The following HIRIP3 variants were observed in gnomAD, a reference collection of about 807,000 sequenced individuals.
HIRIP3 encodes HIRA-interacting protein 3.
Under a neutral mutation model 50.3 loss-of-function variants are expected in HIRIP3, and 40 were observed. That is an observed-to-expected ratio of 0.79 (90% confidence interval 0.62 to 1.03). The LOEUF (loss-of-function observed/expected upper bound fraction) is 1.03. HIRIP3 is among the 50% of genes least tolerant of loss of function. The probability of loss-of-function intolerance (pLI) is 0.00; values close to 1 mark genes in which losing one functional copy is unlikely to be tolerated. For missense variants in HIRIP3, 765 were observed against 705.4 expected, an observed-to-expected ratio of 1.08 and a Z score of -0.96; for synonymous variants, 318 against 261.6, an observed-to-expected ratio of 1.22 and a Z score of -2.08.
In HIRIP3 at chr16:29,994,271, C is replaced by T. The variant is rs757667702; in HGVS notation, c.874G>A (p.Glu292Lys). 63 of 1,614,182 alleles carry T rather than the reference C, an allele frequency of 3.9e-5. No homozygotes were observed. The highest frequency in any genetic ancestry group is 3.3e-4 in the Middle Eastern group (2 of 6,062). Residue 292 changes from glutamate to lysine, a missense_variant, in exon 4 of 7, where the codon GAG (glutamate) becomes AAG (lysine). Glu to Lys is a moderately conservative substitution (Grantham distance 56). Transcript: ENST00000279392. Reference protein sequence around the residue: ...AKRLLGDSDSEEEQKEAASSG... With the variant: ...AKRLLGDSDSKEEQKEAASSG... ...CTGGCTGCCTCTTTCTGCTCTTCCT[C>T]GCTGTCTGAGTCTCCCAAGAGCCTC... is the stretch of plus-strand genomic sequence containing the variant.
At position 29,994,061 on chromosome 16, in the gene HIRIP3, C is replaced by T; in HGVS notation, c.1084G>A (p.Glu362Lys). The T allele has an allele frequency of 6.2e-7, 1 of 1,612,702 alleles. No individual in the cohort carries two copies. ...MARLGSTSGE[E>K]SDLEREVSDS... ...CTTACCTCCCTCTCCAAGTCACTTT[C>T]CTCACCACTGGTGCTGCCCAGTCTG... Residue 362 changes from glutamate to lysine, a missense_variant, in exon 4 of 7, where the codon GAA becomes AAA. By Grantham distance (56) the Glu-to-Lys change is moderately conservative. Coordinates refer to ENST00000279392, the MANE Select transcript of HIRIP3 (RefSeq NM_003609.5).
upstream of HIRIP3, chr16:29,995,691 G>A (rs996129512): frequency 6.5e-6 from 10 of 1,526,902 alleles, no homozygotes; most frequent in South Asian, 1.2e-5. Flanking sequence ...CGCACGCGCA[G>A]TGCTGCGGCA....
intron 6 of HIRIP3, 36 bp from the exon 7 acceptor site, chr16:29,993,406 A>C: frequency 6.3e-7 from 1 of 1,579,630 alleles, no homozygotes. Context: ...CAGATGTCTG[A>C]GAAGGTCCAA....
rs752336284 is a variant in HIRIP3, at chr16:29,994,400, C to T, written c.745G>A (p.Glu249Lys). Residue 249 changes from glutamate to lysine, a missense_variant, in exon 4 of 7, where the codon GAA becomes AAA. Physicochemically the swap from Glu to Lys is moderately conservative, Grantham distance 56. Coordinates refer to ENST00000279392, the MANE Select transcript of HIRIP3 (RefSeq NM_003609.5). The stretch of plus-strand genomic sequence containing the variant: ...CAATCCCCCTTTTCCTCATCCTCTT[C>T]TTTCTCTTCCTCCTCCACTTCCTCC... The part of the protein sequence containing the change: ...REEEVEEEEK[E>K]EDEEKGDWKP... The T allele has an allele frequency of 3.7e-6, 6 of 1,613,832 alleles. No homozygotes were observed. In the African/African-American group the frequency reaches 6.7e-5, roughly 18 times the overall value.
chr16:29,995,976 G>A (rs929059463), upstream of HIRIP3: 7 of 564,722 alleles, frequency 1.2e-5, no homozygotes, highest in East Asian at 3.0e-5. Flanking sequence ...GCATCCTCGC[G>A]AGCAGATGAG....
In HIRIP3 at chr16:29,993,444, G is replaced by A. The variant is rs372423732; in HGVS notation, c.1507+15C>T. On this transcript the variant is annotated intron_variant, in intron 6 of 6. Transcript: ENST00000279392. Reference sequence around the variant, plus strand: ...CCACCTATCTGCTCCTGGGCAGTGAGAGGAAACCCCTTACCCGAGCCACTG... The same window carrying A: ...CCACCTATCTGCTCCTGGGCAGTGAAAGGAAACCCCTTACCCGAGCCACTG... 1.2e-5 allele frequency: 19 copies of A among 1,606,642 alleles called. No individual in the cohort carries two copies. The highest frequency in any genetic ancestry group is 1.5e-5 in the Non-Finnish European group (18 of 1,174,902).
rs1486476032 is a variant in HIRIP3, at chr16:29,993,064, G to A, written c.*143C>T. The A allele has an allele frequency of 1.6e-6, 1 of 641,784 alleles. No homozygotes were observed. The highest frequency in any genetic ancestry group is 2.5e-6 in the Non-Finnish European group (1 of 401,642). 39.8% of individuals were successfully genotyped at this position (641,784 alleles called of 1,614,324 possible). A position where few individuals can be genotyped will look rare whatever the true frequency, so the allele number is the denominator to read the frequency against. ...CACCTTAAAGGGACAGCGTGAAGCT[G>A]AGAAGTAGCATCCCAACAGCTTGTG... On this transcript the variant is annotated 3_prime_UTR_variant, in exon 7 of 7. Transcript: ENST00000279392.
chr16:29,993,685 G>A lies in HIRIP3; in HGVS notation c.1363C>T (p.Arg455Cys), dbSNP rs372116326. The change falls in exon 5 of 7, where the codon CGC (arginine) becomes TGC (cysteine). Residue 455 changes from arginine (R) to cysteine (C), a missense_variant. Arg to Cys is a radical substitution (Grantham distance 180). Transcript: ENST00000279392. ...LLGSCCSHKE[R>C]LSILRAELEA... The stretch of plus-strand genomic sequence containing the variant: ...AGTTCTGCCCGGAGGATACTCAGGC[G>A]CTCCTTGTGTGAGCAACAGGAGCCC... The A allele has an allele frequency of 5.0e-6, 8 of 1,610,642 alleles. No individual in the cohort carries two copies. Among genetic ancestry groups the A allele is most frequent in the Middle Eastern group, 1.7e-4 (1 of 6,060 alleles).
rs1317606928 is a variant in HIRIP3, at chr16:29,992,972, T to G, written c.*235A>C. The G allele has an allele frequency of 5.4e-6, 2 of 372,012 alleles. No homozygotes were observed. The highest frequency in any genetic ancestry group is 9.5e-6 in the Non-Finnish European group (2 of 209,428). The allele number at this position is 372,012 out of a possible 1,614,324, so 23.0% of individuals were successfully genotyped here. On this transcript the variant is annotated 3_prime_UTR_variant, in exon 7 of 7. Transcript: ENST00000279392. The stretch of plus-strand genomic sequence containing the variant: ...GTTTCCTGGCCCAAAATACAGGAGG[T>G]GAGAATGGGGGACCAAATTTGATGA...
At position 29,994,430 on chromosome 16, in the gene HIRIP3, T is replaced by C. The variant is rs1207777428; in HGVS notation, c.715A>G (p.Arg239Gly). The change falls in exon 4 of 7, where the codon AGA becomes GGA. Residue 239 changes from arginine (R) to glycine (G), a missense_variant. Arg to Gly is a moderately radical substitution (Grantham distance 125). Coordinates refer to ENST00000279392, the MANE Select transcript of HIRIP3 (RefSeq NM_003609.5). ...TCTTCCTCCTCCACTTCCTCCTCTC[T>C]CTGCTCTTTCTTCTGGGCTAGGATC... ...EEILAQKKEQ[R>G]EEEVEEEEKE... 1 of 1,613,730 alleles carries C rather than the reference T, an allele frequency of 6.2e-7. No homozygotes were observed. The highest frequency in any genetic ancestry group is 1.3e-5 in the African/African-American group (1 of 74,858).
chr16:29,993,318 T>C lies in HIRIP3; in HGVS notation c.1560A>G (p.Pro520=). The C allele has an allele frequency of 6.5e-7, 1 of 1,540,864 alleles. No individual in the cohort carries two copies. Among genetic ancestry groups the C allele is most frequent in the Non-Finnish European group, 8.8e-7 (1 of 1,141,292 alleles). ...CCAGGGTCCGTCGGTACAGCTCCCCTGGGGGTGCTGCTTCTCCTAAAGGGT... is the reference window on the plus strand; with the variant it reads ...CCAGGGTCCGTCGGTACAGCTCCCCCGGGGGTGCTGCTTCTCCTAAAGGGT... The part of the protein sequence containing the change: ...AWNPLGEAAP[P]GELYRRTLDS... Residue 520 remains proline (P), a synonymous_variant, in exon 7 of 7, where the codon CCA becomes CCG. Coordinates refer to ENST00000279392, the MANE Select transcript of HIRIP3 (RefSeq NM_003609.5).
In HIRIP3 at chr16:29,995,154, T is replaced by C; in HGVS notation, c.250A>G (p.Thr84Ala). ...DLTKKGKRPPTPCSDPERKRF... is the reference protein window; with the variant it reads ...DLTKKGKRPPAPCSDPERKRF... ...TTTCTCTCCGGGTCGCTACAAGGGG[T>C]GGGAGGCCTCTTGCCCTTCTTGGTA... Residue 84 changes from threonine to alanine, a missense_variant, in exon 3 of 7, where the codon ACC becomes GCC. Physicochemically the swap from Thr to Ala is moderately conservative, Grantham distance 58. Coordinates refer to ENST00000279392, the MANE Select transcript of HIRIP3 (RefSeq NM_003609.5). 3 of 1,614,180 alleles carry C rather than the reference T, an allele frequency of 1.9e-6. No homozygotes were observed. Among genetic ancestry groups the C allele is most frequent in the East Asian group, 2.2e-5 (1 of 44,872 alleles).
In HIRIP3 at chr16:29,995,585, C is replaced by T; in HGVS notation, c.21G>A (p.Met7Ile). Residue 7 changes from methionine (M) to isoleucine (I), a missense_variant, in exon 1 of 7, where the codon ATG becomes ATA. Physicochemically the swap from Met to Ile is conservative, Grantham distance 10. Transcript: ENST00000279392. MAREKE[M>I]QEFTRSFFRG... is the part of the protein sequence containing the mutation. Reference sequence around the variant, plus strand: ...GGAAGAAGCTACGGGTGAACTCCTGCATCTCCTTCTCCCGCGCCATTTTGC... The same window carrying T: ...GGAAGAAGCTACGGGTGAACTCCTGTATCTCCTTCTCCCGCGCCATTTTGC... The T allele has an allele frequency of 6.2e-7, 1 of 1,612,442 alleles. No individual in the cohort carries two copies. The highest frequency in any genetic ancestry group is 8.5e-7 in the Non-Finnish European group (1 of 1,180,016).
At position 29,994,027 on chromosome 16, in the gene HIRIP3, T is replaced by G. The variant is rs1567259135; in HGVS notation, c.1118A>C (p.Glu373Ala). 6.2e-7 allele frequency: 1 copy of G among 1,610,094 alleles called. No individual in the cohort carries two copies. The highest frequency in any genetic ancestry group is 8.5e-7 in the Non-Finnish European group (1 of 1,177,718). The stretch of plus-strand genomic sequence containing the variant: ...CTCCCCCTGGGGGCCTCCCCCTGCC[T>G]CGCTGTCACTTACCTCCCTCTCCAA... The part of the protein sequence containing the change: ...SDLEREVSDS[E>A]AGGGPQGERK... Residue 373 changes from glutamate to alanine, a missense_variant, in exon 4 of 7, where the codon GAG becomes GCG. Physicochemically the swap from Glu to Ala is moderately radical, Grantham distance 107. Transcript: ENST00000279392.
In HIRIP3 at chr16:29,994,218, T is replaced by G; in HGVS notation, c.927A>C (p.Arg309Ser). 7 of 1,614,070 alleles carry G rather than the reference T, an allele frequency of 4.3e-6. No individual in the cohort carries two copies. Among genetic ancestry groups the G allele is most frequent in the Non-Finnish European group, 5.9e-6 (7 of 1,179,956 alleles). ...ASSGDDSGRD[R>S]EPPVQRKSED... ...CACTCTTCCTCTGCACTGGGGGTTC[T>G]CTATCTCTCCCACTGTCATCCCCAC... Residue 309 changes from arginine (R) to serine (S), a missense_variant, in exon 4 of 7, where the codon AGA becomes AGC. Coordinates refer to ENST00000279392, the MANE Select transcript of HIRIP3 (RefSeq NM_003609.5).
In HIRIP3 at chr16:29,994,015, C is replaced by G. The variant is rs2070026332; in HGVS notation, c.1130G>C (p.Gly377Ala). ...GCGGTTCTTCCTCTCCCCCTGGGGG[C>G]CTCCCCCTGCCTCGCTGTCACTTAC... is the stretch of plus-strand genomic sequence containing the variant. ...REVSDSEAGG[G>A]PQGERKNRSS... The change falls in exon 4 of 7, where the codon GGC (glycine) becomes GCC (alanine). Residue 377 changes from glycine (G) to alanine (A), a missense_variant. Coordinates refer to ENST00000279392, the MANE Select transcript of HIRIP3 (RefSeq NM_003609.5). The G allele has an allele frequency of 6.2e-7, 1 of 1,603,090 alleles. No individual in the cohort carries two copies. The highest frequency in any genetic ancestry group is 1.3e-5 in the African/African-American group (1 of 74,610).
chr16:29,993,984 G>T lies in HIRIP3; in HGVS notation c.1161C>A (p.Ser387=), dbSNP rs748096853. ...GPQGERKNRS[S]KKSSRKGRTR... ...TCCTGCCTTTCCTGGAGCTCTTCTT[G>T]GAAGAGCGGTTCTTCCTCTCCCCCT... The change falls in exon 4 of 7, where the codon TCC becomes TCA. Residue 387 remains serine (S), a synonymous_variant. Coordinates refer to ENST00000279392, the MANE Select transcript of HIRIP3 (RefSeq NM_003609.5). The T allele has an allele frequency of 6.3e-7, 1 of 1,577,272 alleles. No homozygotes were observed. The highest frequency in any genetic ancestry group is 1.4e-5 in the African/African-American group (1 of 73,388).
At chr16:29,993,869 T>G in intron 4 of HIRIP3, 37 bp downstream of exon 4, 1 of 1,599,182 alleles carries the variant, frequency 6.3e-7, no homozygotes, top group Non-Finnish European at 8.5e-7. Context: ...GTCTCCCTCT[T>G]CCCTAATAGT....
rs771510142 is a variant in HIRIP3 at position 29,994,239 on chromosome 16, C to G, written c.906G>C (p.Gly302=). ...GTTCTCTATCTCTCCCACTGTCATC[C>G]CCACTGCTGGCTGCCTCTTTCTGCT... The part of the protein sequence containing the change: ...EEEQKEAASS[G]DDSGRDREPP... Residue 302 remains glycine (G), a synonymous_variant, in exon 4 of 7, where the codon GGG becomes GGC. Transcript: ENST00000279392. 1.7e-5 allele frequency: 28 copies of G among 1,614,012 alleles called. No homozygotes were observed. The highest frequency in any genetic ancestry group is 2.0e-5 in the Non-Finnish European group (24 of 1,180,010).
Sources: gnomAD v4.1 joint callset for allele counts on GRCh38, gnomAD v4.1.1 for gene constraint, MANE v1.5 for transcripts, NCBI Gene and HGNC (gene_info 2026-07-23, HGNC 2026-07-21) for gene names.